DMD: variants seen among roughly 807,000 people sequenced by gnomAD.
DMD encodes mutant dystrophin.
DMD carries 63 observed loss-of-function variants against 330.1 expected under a neutral mutation model. The observed-to-expected ratio is 0.19, with a 90% CI of 0.16 to 0.24. DMD has a LOEUF of 0.24. Ranked by LOEUF, DMD falls within the 10% of genes least tolerant of loss-of-function variation. The pLI, the probability that DMD is intolerant of heterozygous loss-of-function variation, is 1.00. For synonymous variants in DMD, 1,223 were observed against 959.8 expected, an observed-to-expected ratio of 1.27 and a Z score of -5.07; for missense variants, 3,344 against 2,684.1, an observed-to-expected ratio of 1.25 and a Z score of -5.43.
chrX:31,523,307 C>T (rs2073002617), intron 55 of DMD, among the ~76,000 whole-genome samples: 1 of 110,925 alleles, frequency 9.0e-6, no homozygotes, highest in African/African-American at 3.3e-5. Flanking sequence ...AAAATACGAC[C>T]TATTACTTCA....
intron 44 of DMD, among the ~76,000 whole-genome samples, chrX:32,146,623 A>T (rs977188673): frequency 1.8e-5 from 2 of 112,164 alleles, no homozygotes; most frequent in African/African-American, 6.5e-5. Context: ...GCAAGTGTTA[A>T]GTATTTTTCA....
Position 33,080,784 on chromosome X carries a change from A to G in DMD, c.32-60584T>C, listed in dbSNP as rs1482109489. Among the ~76,000 whole-genome samples the G allele has an allele frequency of 3.6e-5, 4 of 111,893 alleles. No homozygotes were observed. In the East Asian group the frequency reaches 1.1e-3, roughly 31 times the overall value. ...TTAGCAAATCTGATAGCTGACCTTAATTTAGACCAAATGTCTACATTTTCA... is the reference window on the plus strand; with the variant it reads ...TTAGCAAATCTGATAGCTGACCTTAGTTTAGACCAAATGTCTACATTTTCA... On this transcript the variant is annotated intron_variant, in intron 1 of 78. Transcript: ENST00000357033.
chrX:31,861,925 G>A (rs1395910434), intron 48 of DMD, among the ~76,000 whole-genome samples: 1 of 88,336 alleles, frequency 1.1e-5, no homozygotes, highest in Non-Finnish European at 2.2e-5. Context: ...TATTTTAAGA[G>A]GACAAGAGTA....
At chrX:31,232,739 T>C (rs12839968) in intron 63 of DMD, among the ~76,000 whole-genome samples, 4,311 of 111,548 alleles carry the variant, frequency 0.039, 94 homozygotes, top group East Asian at 0.13. Flanking sequence ...GCTGGAGGCT[T>C]AATCTCGAAG....
At chrX:33,050,060 G>T (rs932694181) in intron 1 of DMD, among the ~76,000 whole-genome samples, 2 of 111,173 alleles carry the variant, frequency 1.8e-5, no homozygotes, top group Middle Eastern at 4.9e-3. Context: ...TTTCTTACAT[G>T]AATTGGTTTA....
At chrX:32,238,001 T>C (rs1027458354) in intron 43 of DMD, among the ~76,000 whole-genome samples, 7 of 112,149 alleles carry the variant, frequency 6.2e-5, no homozygotes, top group Non-Finnish European at 9.4e-5. Flanking sequence ...TTGTCTTTCT[T>C]GGTTTCTTTC....
intron 44 of DMD, among the ~76,000 whole-genome samples, chrX:32,066,960 A>G (rs1415732473): frequency 8.9e-6 from 1 of 111,738 alleles, no homozygotes; most frequent in East Asian, 2.8e-4. Context: ...TGTAGAAATA[A>G]AATAAATTAA....
intron 55 of DMD, among the ~76,000 whole-genome samples, chrX:31,624,816 T>C (rs1490136195): frequency 8.9e-6 from 1 of 112,219 alleles, no homozygotes; most frequent in Non-Finnish European, 1.9e-5. Context: ...TTCTCCTACC[T>C]ACATATTATA....
At chrX:32,593,573 T>C (rs1470364860) in intron 13 of DMD, among the ~76,000 whole-genome samples, 1 of 110,628 alleles carries the variant, frequency 9.0e-6, no homozygotes, top group African/African-American at 3.3e-5. Context: ...AGGAAGGCAG[T>C]AGGCTCTCAA....
rs1344591973 is a variant in DMD at position 31,449,775 on chromosome X, T to TAGATAG, written c.8938-5149_8938-5148insCTATCT. Among the ~76,000 whole-genome samples the TAGATAG allele has an allele frequency of 2.8e-3, 248 of 88,028 alleles. 4 individuals carry two copies. The highest frequency in any genetic ancestry group is 9.9e-3 in the African/African-American group (225 of 22,839). The allele number at this position is 88,028 out of a possible 115,157, so 76.4% of individuals were successfully genotyped here. Reference sequence around the variant, plus strand: ...TTATAAATGGTGTGATATATATATATATATATATATATATATATATATAGA... The same window carrying TAGATAG: ...TTATAAATGGTGTGATATATATATATAGATAGATATATATATATATATATATATAGA... On this transcript the variant is annotated intron_variant, in intron 59 of 78. Transcript: ENST00000357033.
chrX:31,684,312 T>C (rs1434278981), intron 52 of DMD, among the ~76,000 whole-genome samples: 1 of 112,065 alleles, frequency 8.9e-6, no homozygotes, highest in Non-Finnish European at 1.9e-5. Flanking sequence ...AGTATGAATA[T>C]AGGTATTGAT....
At chrX:32,338,762 G>A (rs1396244837) in intron 41 of DMD, among the ~76,000 whole-genome samples, 1 of 111,353 alleles carries the variant, frequency 9.0e-6, no homozygotes, top group Non-Finnish European at 1.9e-5. Flanking sequence ...AAATGCCTGG[G>A]CTCTCTGAGG....
intron 2 of DMD, among the ~76,000 whole-genome samples, chrX:32,934,650 G>A (rs1477751315): frequency 1.8e-5 from 2 of 111,395 alleles, no homozygotes; most frequent in African/African-American, 6.5e-5. Flanking sequence ...TATATGTAAT[G>A]GATATGTAAA....
chrX:32,175,126 T>C, intron 44 of DMD, among the ~76,000 whole-genome samples: 1 of 111,550 alleles, frequency 9.0e-6, no homozygotes, highest in Non-Finnish European at 1.9e-5. Context: ...AATGTAAGTT[T>C]TGATTCATAT....
At chrX:32,418,842 AGGC>A (rs2098176736) in intron 29 of DMD, among the ~76,000 whole-genome samples, 1 of 107,933 alleles carries the variant, frequency 9.3e-6, no homozygotes, top group Non-Finnish European at 1.9e-5. Context: ...GCATGGTGGC[AGGC>A]GCCTGTAGTC....
In DMD at chrX:31,417,448, C is replaced by T. The variant is rs754740476; in HGVS notation, c.9084+27033G>A. Among the ~76,000 whole-genome samples the T allele has an allele frequency of 1.1e-3, 120 of 108,826 alleles. 1 individual carries two copies. Among genetic ancestry groups the T allele is most frequent in the African/African-American group, 3.6e-3 (107 of 29,926 alleles). 94.5% of individuals were successfully genotyped at this position (108,826 alleles called of 115,157 possible). On this transcript the variant is annotated intron_variant, in intron 60 of 78. Coordinates refer to ENST00000357033, the MANE Select transcript of DMD (RefSeq NM_004006.3). ...CTGGGACTACGGGTGTGCACCACCA[C>T]GCCCAGCTAATTTTTGTATTTTTAG... is the stretch of plus-strand genomic sequence containing the variant.
chrX:32,305,133 A>G (rs1485226612), intron 42 of DMD, among the ~76,000 whole-genome samples: 1 of 111,688 alleles, frequency 9.0e-6, no homozygotes, highest in East Asian at 2.8e-4. Flanking sequence ...GGATTTCTAC[A>G]TATGGTGCCT....
At chrX:31,651,372 A>C (rs1430670799) in intron 54 of DMD, among the ~76,000 whole-genome samples, 1 of 111,253 alleles carries the variant, frequency 9.0e-6, no homozygotes, top group African/African-American at 3.3e-5. Context: ...CCAACAGACA[A>C]AGCTACTCAA....
chrX:32,966,361 G>A (rs2092154077), intron 2 of DMD, among the ~76,000 whole-genome samples: 2 of 111,473 alleles, frequency 1.8e-5, no homozygotes, highest in Admixed American at 1.9e-4. Context: ...TGAGGCCTAA[G>A]ATTTGGAGTG....
Sources: allele counts gnomAD v4.1 joint callset (sites outside exome capture counted in the v4.1 genomes callset), GRCh38; gene constraint gnomAD v4.1.1; transcripts MANE v1.5; gene names NCBI Gene and HGNC (gene_info 2026-07-23, HGNC 2026-07-21).